SLC9A9: variants seen among roughly 807,000 people sequenced by gnomAD.
SLC9A9 encodes the protein sodium/hydrogen exchanger 9.
Under a neutral mutation model 77.8 loss-of-function variants are expected in SLC9A9, and 62 were observed. The ratio of observed to expected loss-of-function variants is 0.80; its 90% CI spans 0.65 to 0.98. SLC9A9 has a LOEUF of 0.98. Among genes scored for constraint, SLC9A9 ranks in the 50% least tolerant of loss-of-function variants. The pLI, the probability that SLC9A9 is intolerant of heterozygous loss-of-function variation, is 0.00. For missense variants in SLC9A9, 775 were observed against 774.9 expected (o/e 1.00, Z 0.00); for synonymous variants, 320 against 283.5 (o/e 1.13, Z -1.29).
intron 11 of SLC9A9, among the ~76,000 whole-genome samples, chr3:143,490,562 A>G (rs1399725263): frequency 6.6e-6 from 1 of 152,194 alleles, no homozygotes; most frequent in Non-Finnish European, 1.5e-5. Flanking sequence ...TCAGTTTTAC[A>G]AGACGAAAAG....
chr3:143,626,249 T>A lies in SLC9A9; in HGVS notation c.755+26006A>T, dbSNP rs562652047. Among the ~76,000 whole-genome samples, 146 of 152,264 alleles carry A rather than the reference T, an allele frequency of 9.6e-4. 1 individual carries two copies. Among genetic ancestry groups the A allele is most frequent in the African/African-American group, 3.4e-3 (142 of 41,552 alleles). ...TAGAACTAGAAATACAATTTGACCC[T>A]GCAATCCCATTACTGGGTATACACC... On this transcript the variant is annotated intron_variant, in intron 6 of 15. Coordinates refer to ENST00000316549, the MANE Select transcript of SLC9A9 (RefSeq NM_173653.4).
intron 9 of SLC9A9, among the ~76,000 whole-genome samples, chr3:143,498,695 A>G (rs887946036): frequency 1.3e-5 from 2 of 152,172 alleles, no homozygotes; most frequent in African/African-American, 2.4e-5. Flanking sequence ...AAAAATTAAC[A>G]GCATCCCAGA....
At chr3:143,520,363 C>A (rs9873052) in intron 9 of SLC9A9, among the ~76,000 whole-genome samples, 53,628 of 151,912 alleles carry the variant, frequency 0.35, 9,437 homozygotes, top group East Asian at 0.43. Flanking sequence ...CCATCATGTG[C>A]GGATACAGCA....
intron 14 of SLC9A9, among the ~76,000 whole-genome samples, chr3:143,353,878 C>T (rs2032525185): frequency 2.0e-5 from 3 of 152,146 alleles, no homozygotes; most frequent in Admixed American, 2.0e-4. Flanking sequence ...CCAAGCCTCA[C>T]AGCAATAAGA....
chr3:143,575,463 T>A (rs557915978), intron 7 of SLC9A9, among the ~76,000 whole-genome samples: 1 of 152,208 alleles, frequency 6.6e-6, no homozygotes, highest in Admixed American at 6.5e-5. Flanking sequence ...GTGCCTGGCA[T>A]GTAACAAGTG....
chr3:143,736,240 C>A (rs1226576354), intron 4 of SLC9A9, among the ~76,000 whole-genome samples: 2 of 152,234 alleles, frequency 1.3e-5, no homozygotes, highest in South Asian at 4.1e-4. Context: ...CTTCTTTGTA[C>A]CTGCTTGTAA....
intron 5 of SLC9A9, among the ~76,000 whole-genome samples, chr3:143,667,806 T>A (rs2039093996): frequency 6.6e-6 from 1 of 152,224 alleles, no homozygotes; most frequent in African/African-American, 2.4e-5. Flanking sequence ...CCAGTTATTA[T>A]GGCGATCATT....
At chr3:143,510,649 G>T (rs1424178184) in intron 9 of SLC9A9, among the ~76,000 whole-genome samples, 1 of 152,040 alleles carries the variant, frequency 6.6e-6, no homozygotes, top group Non-Finnish European at 1.5e-5. Context: ...TCTCTTTAAG[G>T]ATACTAATTA....
chr3:143,819,787 C>A (rs1170163504), intron 2 of SLC9A9, among the ~76,000 whole-genome samples: 5 of 152,162 alleles, frequency 3.3e-5, no homozygotes, highest in Admixed American at 3.3e-4. Flanking sequence ...AAGGCTGTTA[C>A]AGTTTTAAAG....
intron 1 of SLC9A9, among the ~76,000 whole-genome samples, chr3:143,846,183 G>A (rs1486163614): frequency 2.0e-5 from 3 of 152,108 alleles, no homozygotes; most frequent in Admixed American, 6.6e-5. Context: ...AAACTTTTAC[G>A]AAAACAATAT....
intron 9 of SLC9A9, among the ~76,000 whole-genome samples, chr3:143,500,394 T>C (rs1315842822): frequency 1.3e-5 from 2 of 152,210 alleles, no homozygotes; most frequent in Non-Finnish European, 2.9e-5. Flanking sequence ...TATGAGTGTT[T>C]TCAAGAAGCA....
chr3:143,724,067 C>G (rs1028708587), intron 4 of SLC9A9, among the ~76,000 whole-genome samples: 2 of 152,144 alleles, frequency 1.3e-5, no homozygotes, highest in Non-Finnish European at 2.9e-5. Flanking sequence ...CCCACTGCAG[C>G]GATTGTTTTT....
chr3:143,373,780 G>T (rs1253687682), intron 13 of SLC9A9, among the ~76,000 whole-genome samples: 3 of 151,752 alleles, frequency 2.0e-5, no homozygotes, highest in Non-Finnish European at 4.4e-5. Flanking sequence ...AAAACACAGA[G>T]AAACAAGATT....
intron 12 of SLC9A9, among the ~76,000 whole-genome samples, chr3:143,430,942 G>A (rs1393536494): frequency 6.6e-6 from 1 of 152,208 alleles, no homozygotes; most frequent in East Asian, 1.9e-4. Context: ...GCACTCTTTA[G>A]AACCAGCACA....
chr3:143,824,743 G>T (rs544627635), intron 2 of SLC9A9, among the ~76,000 whole-genome samples: 4 of 152,314 alleles, frequency 2.6e-5, no homozygotes, highest in Admixed American at 6.5e-5. Context: ...GTTGTTCAAT[G>T]ATGAAATCAA....
At chr3:143,821,010 G>T (rs957704111) in intron 2 of SLC9A9, among the ~76,000 whole-genome samples, 3 of 151,878 alleles carry the variant, frequency 2.0e-5, no homozygotes, top group Non-Finnish European at 4.4e-5. Context: ...CAACTGGCCT[G>T]GGGAAGCTGG....
chr3:143,692,814 G>A (rs1933511620), intron 5 of SLC9A9, among the ~76,000 whole-genome samples: 1 of 152,102 alleles, frequency 6.6e-6, no homozygotes, highest in South Asian at 2.1e-4. Context: ...GATACCTGAT[G>A]AGCAAATAGA....
At position 143,391,948 on chromosome 3, in the gene SLC9A9, G is replaced by A. The variant is rs926949416; in HGVS notation, c.1470-9834C>T. ...CAAAGCCTCCAAGAAATATGGGACT[G>A]TGTGAAAAGACCAAATCTACATCTG... On this transcript the variant is annotated intron_variant, in intron 12 of 15. Coordinates refer to ENST00000316549, the MANE Select transcript of SLC9A9 (RefSeq NM_173653.4). Among the ~76,000 whole-genome samples, 50 of 152,264 alleles carry A rather than the reference G, an allele frequency of 3.3e-4. 3 individuals carry two copies. The highest frequency in any genetic ancestry group is 1.1e-3 in the African/African-American group (44 of 41,560).
chr3:143,535,319 T>G (rs1276083963), intron 9 of SLC9A9, among the ~76,000 whole-genome samples: 1 of 152,192 alleles, frequency 6.6e-6, no homozygotes, highest in South Asian at 2.1e-4. Flanking sequence ...CAAAATCCAC[T>G]AGTATATAAT....
Sources: allele counts gnomAD v4.1 joint callset (sites outside exome capture counted in the v4.1 genomes callset), GRCh38; gene constraint gnomAD v4.1.1; transcripts MANE v1.5; gene names NCBI Gene and HGNC (gene_info 2026-07-23, HGNC 2026-07-21).